FBN1: variants seen among roughly 807,000 people sequenced by gnomAD.
The protein encoded by FBN1 is fibrillin 1.
FBN1 carries 29 observed loss-of-function variants against 365.1 expected under a neutral mutation model. That is an observed-to-expected ratio of 0.08 (90% confidence interval 0.06 to 0.11). FBN1 has a LOEUF of 0.11. FBN1 is among the 10% of genes least tolerant of loss of function. The probability of loss-of-function intolerance (pLI) is 1.00; values close to 1 mark genes in which losing one functional copy is unlikely to be tolerated. For synonymous variants in FBN1, 1,210 were observed against 1,270.5 expected (o/e 0.95, Z 1.01); for missense variants, 2,476 against 3,703.2 (o/e 0.67, Z 8.60).
chr15:48,533,043 T>C (rs1316861081), intron 8 of FBN1, among the ~76,000 whole-genome samples: 2 of 152,226 alleles, frequency 1.3e-5, no homozygotes, highest in African/African-American at 4.8e-5. Flanking sequence ...ATGTAACTTA[T>C]GAATTGCACC....
At chr15:48,460,216 G>A (rs376649307) in intron 43 of FBN1, 30 bp downstream of exon 43, 93 of 1,582,666 alleles carry the variant, frequency 5.9e-5, no homozygotes, top group Non-Finnish European at 7.4e-5. Flanking sequence ...CAAAAAACCA[G>A]AAAGTTCTGA....
chr15:48,620,409 T>C (rs1325114671), intron 2 of FBN1, among the ~76,000 whole-genome samples: 1 of 152,216 alleles, frequency 6.6e-6, no homozygotes, highest in Admixed American at 6.5e-5. Context: ...ACAATACTTC[T>C]ATGAAATAAG....
Position 48,410,404 on chromosome 15 carries a change from CACTT to C in FBN1, c.*582_*585del, listed in dbSNP as rs1387079263. ...AAATAGCACGATTACAGTATACACA[CACTT>C]AATTTACATGTAATGTATTATACTC... On this transcript the variant is annotated 3_prime_UTR_variant, in exon 66 of 66. Coordinates refer to ENST00000316623, the MANE Select transcript of FBN1 (RefSeq NM_000138.5). 6.5e-6 allele frequency: 1 copy of C among 153,652 alleles called. No homozygotes were observed. Among genetic ancestry groups the C allele is most frequent in the Non-Finnish European group, 1.5e-5 (1 of 68,830 alleles). The allele number at this position is 153,652 out of a possible 1,614,324, so 9.5% of individuals were successfully genotyped here.
chr15:48,485,634 G>C, intron 29 of FBN1, 138 bp from the exon 30 acceptor site: 1 of 907,834 alleles, frequency 1.1e-6, no homozygotes, highest in East Asian at 2.6e-5. Flanking sequence ...ATCCTATGAG[G>C]GCTCTACCCT....
intron 15 of FBN1, among the ~76,000 whole-genome samples, chr15:48,506,042 G>A (rs184242771): frequency 6.6e-6 from 1 of 152,166 alleles, no homozygotes; most frequent in African/African-American, 2.4e-5. Context: ...GGCCAACATG[G>A]GGAAACTCCA....
chr15:48,633,472 G>A lies in FBN1; in HGVS notation c.164+11134C>T, dbSNP rs1256171786. 8.5e-5 allele frequency among the ~76,000 whole-genome samples: 13 copies of A among 152,150 alleles called. No homozygotes were observed. In the East Asian group the frequency reaches 1.5e-3, roughly 18 times the overall value. Reference sequence around the variant, plus strand: ...GAGTATGTGTGTGGTGGAGGGTTGCGGGGAGGAGTCATGCTTCCGATTCCC... The same window carrying A: ...GAGTATGTGTGTGGTGGAGGGTTGCAGGGAGGAGTCATGCTTCCGATTCCC... On this transcript the variant is annotated intron_variant, in intron 2 of 65. Coordinates refer to ENST00000316623, the MANE Select transcript of FBN1 (RefSeq NM_000138.5).
chr15:48,425,675 G>A, intron 59 of FBN1, 64 bp downstream of exon 59: 2 of 1,246,596 alleles, frequency 1.6e-6, no homozygotes, highest in Non-Finnish European at 2.2e-6. Flanking sequence ...TTAGCTTTGG[G>A]TTTTTTTTTT....
At chr15:48,415,407 T>C (rs2042894477) in intron 64 of FBN1, 129 bp downstream of exon 64, 1 of 769,088 alleles carries the variant, frequency 1.3e-6, no homozygotes, top group South Asian at 1.5e-5. Flanking sequence ...CCAAGCTAAC[T>C]GGAATTAATT....
intron 56 of FBN1, among the ~76,000 whole-genome samples, chr15:48,430,431 C>T (rs578015451): frequency 6.6e-6 from 1 of 152,278 alleles, no homozygotes; most frequent in African/African-American, 2.4e-5. Context: ...CTGTTCAAAT[C>T]CTGGCAGCAA....
At chr15:48,428,271 A>T in intron 57 of FBN1, 75 bp downstream of exon 57, 1 of 1,556,310 alleles carries the variant, frequency 6.4e-7, no homozygotes, top group Non-Finnish European at 8.8e-7. Flanking sequence ...CTTGTATTTT[A>T]AATAAGAAGT....
In FBN1 at chr15:48,508,818, G is replaced by C; in HGVS notation, c.1715-114C>G. 2.4e-6 allele frequency: 3 copies of C among 1,263,018 alleles called. No homozygotes were observed. In the East Asian group the frequency reaches 7.4e-5, roughly 31 times the overall value. The allele number at this position is 1,263,018 out of a possible 1,614,324, so 78.2% of individuals were successfully genotyped here. A position where few individuals can be genotyped will look rare whatever the true frequency, so the allele number is the denominator to read the frequency against. On this transcript the variant is annotated intron_variant, in intron 14 of 65. Transcript: ENST00000316623. Reference sequence around the variant, plus strand: ...GTATTTCTTTCTTTTTGTTATTACAGCCTAAGGCTAACTTTCATCCAAATA... The same window carrying C: ...GTATTTCTTTCTTTTTGTTATTACACCCTAAGGCTAACTTTCATCCAAATA...
intron 2 of FBN1, among the ~76,000 whole-genome samples, chr15:48,634,511 T>G (rs1247331312): frequency 6.6e-6 from 1 of 152,104 alleles, no homozygotes; most frequent in African/African-American, 2.4e-5. Context: ...GGCAAGACTT[T>G]CACTCCAGAA....
chr15:48,537,255 A>C (rs1038525670), intron 7 of FBN1, among the ~76,000 whole-genome samples: 1 of 152,202 alleles, frequency 6.6e-6, no homozygotes, highest in African/African-American at 2.4e-5. Flanking sequence ...GAAGAAAAAA[A>C]ATTAAGAAAA....
chr15:48,454,626 T>A (rs1158482531), intron 44 of FBN1, among the ~76,000 whole-genome samples: 1 of 152,234 alleles, frequency 6.6e-6, no homozygotes, highest in Non-Finnish European at 1.5e-5. Flanking sequence ...GGATGGCCTA[T>A]AACACAGGTG....
At chr15:48,483,775 T>C in intron 31 of FBN1, 43 bp downstream of exon 31, 3 of 1,611,132 alleles carry the variant, frequency 1.9e-6, no homozygotes, top group South Asian at 1.1e-5. Flanking sequence ...ACAGTGCTTA[T>C]GACTAACAAG....
chr15:48,537,468 C>G (rs2044022244), intron 7 of FBN1, 143 bp downstream of exon 7: 1 of 947,892 alleles, frequency 1.1e-6, no homozygotes, highest in African/African-American at 1.6e-5. Flanking sequence ...GTTCCTAATG[C>G]CTTAGTTGGA....
intron 2 of FBN1, among the ~76,000 whole-genome samples, chr15:48,632,852 C>T (rs577466697): frequency 3.3e-5 from 5 of 152,132 alleles, no homozygotes; most frequent in Non-Finnish European, 7.3e-5. Flanking sequence ...GCTAAAACAC[C>T]GACTATGTGA....
intron 8 of FBN1, among the ~76,000 whole-genome samples, chr15:48,532,933 A>G (rs1298887330): frequency 6.6e-6 from 1 of 152,240 alleles, no homozygotes; most frequent in Non-Finnish European, 1.5e-5. Context: ...TTATAAATTC[A>G]ATGATGATTT....
chr15:48,607,600 G>T (rs2044624465), intron 4 of FBN1, among the ~76,000 whole-genome samples: 2 of 151,830 alleles, frequency 1.3e-5, no homozygotes, highest in Admixed American at 1.3e-4. Flanking sequence ...CCATCTAGGA[G>T]GAGAAGGCCT....
Sources: gnomAD v4.1 joint callset for allele counts (sites outside exome capture counted in the v4.1 genomes callset) on GRCh38, gnomAD v4.1.1 for gene constraint, MANE v1.5 for transcripts, NCBI Gene and HGNC (gene_info 2026-07-23, HGNC 2026-07-21) for gene names.